Variants in NECTIN1 observed in about 807,000 individuals in gnomAD.
NECTIN1 encodes the protein nectin-1.
Under a neutral mutation model 48.0 loss-of-function variants are expected in NECTIN1, and 23 were observed. The ratio of observed to expected loss-of-function variants is 0.48; its 90% CI spans 0.34 to 0.68. NECTIN1 has a LOEUF of 0.68. Among genes scored for constraint, NECTIN1 ranks in the 30% least tolerant of loss-of-function variants. The pLI is 0.01. For synonymous variants in NECTIN1, 270 were observed against 288.9 expected (o/e 0.93, Z 0.66); for missense variants, 591 against 709.9 (o/e 0.83, Z 1.90).
chr11:119,644,588 C>CTGGCTAA (rs1864370549), intron 5 of NECTIN1, among the ~76,000 whole-genome samples: 1 of 152,238 alleles, frequency 6.6e-6, no homozygotes, highest in Non-Finnish European at 1.5e-5. Flanking sequence ...GGCTTGCCCC[C>CTGGCTAA]TGGCTAATGG....
intron 5 of NECTIN1, among the ~76,000 whole-genome samples, chr11:119,666,889 G>A (rs1051969292): frequency 1.3e-5 from 2 of 152,186 alleles, no homozygotes; most frequent in Non-Finnish European, 2.9e-5. Flanking sequence ...TGGGCGGGAA[G>A]GGCTGACGAA....
At chr11:119,718,831 T>C (rs1591488473) in intron 1 of NECTIN1, among the ~76,000 whole-genome samples, 1 of 152,136 alleles carries the variant, frequency 6.6e-6, no homozygotes, top group South Asian at 2.1e-4. Context: ...GTAATACAGG[T>C]TGAATATCCC....
chr11:119,644,273 G>A (rs1864364397), intron 5 of NECTIN1, among the ~76,000 whole-genome samples: 1 of 152,210 alleles, frequency 6.6e-6, no homozygotes, highest in Non-Finnish European at 1.5e-5. Context: ...CAGGCCGCGT[G>A]CTACTGGGGC....
At chr11:119,648,794 C>T (rs1215003516) in intron 5 of NECTIN1, among the ~76,000 whole-genome samples, 3 of 152,050 alleles carry the variant, frequency 2.0e-5, no homozygotes, top group Non-Finnish European at 4.4e-5. Flanking sequence ...ACAGGGACTC[C>T]CCACACCCAG....
At chr11:119,705,468 GA>G (rs1238957233) in intron 1 of NECTIN1, among the ~76,000 whole-genome samples, 4 of 152,182 alleles carry the variant, frequency 2.6e-5, no homozygotes, top group South Asian at 4.1e-4. Context: ...TTTGAGCAAA[GA>G]AAAAAACAAG....
intron 1 of NECTIN1, among the ~76,000 whole-genome samples, chr11:119,681,456 C>T (rs903772025): frequency 2.0e-5 from 3 of 152,192 alleles, no homozygotes; most frequent in Non-Finnish European, 2.9e-5. Context: ...TCCTCTCATC[C>T]CCTGAAGGTG....
intron 5 of NECTIN1, among the ~76,000 whole-genome samples, chr11:119,654,849 G>A (rs927357735): frequency 1.3e-5 from 2 of 152,122 alleles, no homozygotes; most frequent in Non-Finnish European, 2.9e-5. Flanking sequence ...GATTACAGGT[G>A]TGAGCCACTG....
chr11:119,669,797 A>G (rs1023913351), intron 5 of NECTIN1, among the ~76,000 whole-genome samples: 2 of 151,480 alleles, frequency 1.3e-5, no homozygotes, highest in African/African-American at 4.9e-5. Context: ...TCACTCCTTT[A>G]CTCTCTTTGG....
chr11:119,674,746 T>G, intron 5 of NECTIN1: 1 of 1,609,180 alleles, frequency 6.2e-7, no homozygotes, highest in South Asian at 1.1e-5. Flanking sequence ...AAGCCTCACT[T>G]TCTGGCCCAT....
chr11:119,672,405 G>A lies in NECTIN1; in HGVS notation c.1003+2754C>T, dbSNP rs1864872685. Reference sequence around the variant, plus strand: ...GAGGGAGCTTCATTTTGTGACCACTGGGCCCACCCCATGAAACTGCTCCTC... The same window carrying A: ...GAGGGAGCTTCATTTTGTGACCACTAGGCCCACCCCATGAAACTGCTCCTC... On this transcript the variant is annotated intron_variant, in intron 5 of 5. Coordinates refer to ENST00000264025, the MANE Select transcript of NECTIN1 (RefSeq NM_002855.5). This position sits in a 1 kb window ranked among gnomAD's most constrained non-coding sequence, Gnocchi z 4.3. Among the ~76,000 whole-genome samples the A allele has an allele frequency of 6.6e-6, 1 of 152,134 alleles. No homozygotes were observed. Among genetic ancestry groups the A allele is most frequent in the African/African-American group, 2.4e-5 (1 of 41,428 alleles).
chr11:119,715,305 C>T (rs1865726810), intron 1 of NECTIN1, among the ~76,000 whole-genome samples: 1 of 152,204 alleles, frequency 6.6e-6, no homozygotes, highest in African/African-American at 2.4e-5. Context: ...CTGGGAGGCT[C>T]TTTCCAGACC....
At chr11:119,692,411 ATGTGTGTG>A (rs60998928) in intron 1 of NECTIN1, among the ~76,000 whole-genome samples, 5 of 142,452 alleles carry the variant, frequency 3.5e-5, no homozygotes, top group Admixed American at 2.8e-4. Context: ...TGTGGCAGTG[ATGTGTGTG>A]TGTGTGTGTG....
intron 1 of NECTIN1, among the ~76,000 whole-genome samples, chr11:119,720,861 C>T (rs185410513): frequency 3.3e-5 from 5 of 152,262 alleles, no homozygotes; most frequent in Non-Finnish European, 5.9e-5. Context: ...GGACAAGGAA[C>T]GCGAGCTGGG....
chr11:119,726,869 C>T (rs1393865615), intron 1 of NECTIN1, among the ~76,000 whole-genome samples: 4 of 152,150 alleles, frequency 2.6e-5, no homozygotes. Context: ...CTCAAATCCC[C>T]ATGGCCAGGC....
exon 8 of NECTIN1, chr11:119,638,175 G>A (rs748809599): frequency 6.2e-7 from 1 of 1,614,018 alleles, no homozygotes; most frequent in South Asian, 1.1e-5. Context: ...TCATAGTAGG[G>A]GGGCTGCAGG....
Position 119,661,776 on chromosome 11 carries a change from G to C in NECTIN1, c.*2971C>G. On this transcript the variant is annotated 3_prime_UTR_variant, in exon 6 of 6. Transcript: ENST00000264025. ...GTTTCTCCTTAATGGCTTTCAGCAG[G>C]ATCAGACCATTCCCTCTGCCACATC... The C allele has an allele frequency of 1.0e-6, 1 of 985,576 alleles. No individual in the cohort carries two copies. The highest frequency in any genetic ancestry group is 1.2e-6 in the Non-Finnish European group (1 of 829,970). The allele number at this position is 985,576 out of a possible 1,614,324, so 61.1% of individuals were successfully genotyped here. A position where few individuals can be genotyped will look rare whatever the true frequency, so the allele number is the denominator to read the frequency against.
In NECTIN1 at chr11:119,664,782, C is replaced by T. The variant is rs746506443; in HGVS notation, c.1519G>A (p.Gly507Arg). Residue 507 changes from glycine (G) to arginine (R), a missense_variant, in exon 6 of 6, where the codon GGG (glycine) becomes AGG (arginine). Physicochemically the swap from Gly to Arg is moderately radical, Grantham distance 125. Transcript: ENST00000264025. ...LAENMVSQND[G>R]SFISKKEWYV ...CACTCCTTCTTGGAAATGAAAGACCCGTCGTTCTGAGAAACCATGTTCTCA... is the reference window on the plus strand; with the variant it reads ...CACTCCTTCTTGGAAATGAAAGACCTGTCGTTCTGAGAAACCATGTTCTCA... 1.3e-5 allele frequency: 21 copies of T among 1,612,892 alleles called. No individual in the cohort carries two copies. Among genetic ancestry groups the T allele is most frequent in the Admixed American group, 1.7e-5 (1 of 59,932 alleles).
Position 119,663,372 on chromosome 11 carries a change from C to T in NECTIN1, c.*1375G>A. 1.0e-6 allele frequency: 1 copy of T among 985,450 alleles called. No individual in the cohort carries two copies. Among genetic ancestry groups the T allele is most frequent in the Non-Finnish European group, 1.2e-6 (1 of 829,934 alleles). The allele number at this position is 985,450 out of a possible 1,614,324, so 61.0% of individuals were successfully genotyped here. A position where few individuals can be genotyped will look rare whatever the true frequency, so the allele number is the denominator to read the frequency against. ...CAGTCTGGGGTGGCTGATAGGAACT[C>T]AATGTCCCATTCAAGAAGGGAATCT... On this transcript the variant is annotated 3_prime_UTR_variant, in exon 6 of 6. Transcript: ENST00000264025.
At chr11:119,707,451 C>G (rs1423281172) in intron 1 of NECTIN1, among the ~76,000 whole-genome samples, 1 of 152,126 alleles carries the variant, frequency 6.6e-6, no homozygotes, top group African/African-American at 2.4e-5. Flanking sequence ...CCCTGCCAAA[C>G]CTTCCACCCC....
Sources: allele counts gnomAD v4.1 joint callset (sites outside exome capture counted in the v4.1 genomes callset), GRCh38; gene constraint gnomAD v4.1.1; non-coding constraint Gnocchi (gnomAD v3.1); transcripts MANE v1.5; gene names NCBI Gene and HGNC (gene_info 2026-07-23, HGNC 2026-07-21).